The following FAP variants were observed in gnomAD, a reference collection of about 807,000 sequenced individuals.
The protein encoded by FAP is prolyl endopeptidase FAP.
Under a neutral mutation model 126.5 loss-of-function variants are expected in FAP, and 110 were observed. The observed-to-expected ratio is 0.87, with a 90% CI of 0.74 to 1.02. The LOEUF (loss-of-function observed/expected upper bound fraction) is 1.02, where lower values mean the gene tolerates loss of function less well. Among genes scored for constraint, FAP ranks in the 50% least tolerant of loss-of-function variants. The pLI, the probability that FAP is intolerant of heterozygous loss-of-function variation, is 0.00. For missense variants in FAP, 919 were observed against 909.2 expected (o/e 1.01, Z -0.14); for synonymous variants, 334 against 297.3 (o/e 1.12, Z -1.27).
intron 17 of FAP, among the ~76,000 whole-genome samples, chr2:162,191,396 G>A (rs1170568515): frequency 6.6e-6 from 1 of 152,008 alleles, no homozygotes; most frequent in Non-Finnish European, 1.5e-5. Context: ...TCTCACAGGG[G>A]GCAGTGGCAA....
intron 11 of FAP, among the ~76,000 whole-genome samples, chr2:162,212,492 C>T (rs563761976): frequency 4.1e-4 from 63 of 152,264 alleles, no homozygotes; most frequent in Admixed American, 1.6e-3. Flanking sequence ...AAATACGCTT[C>T]TAGCATATTC....
In FAP at chr2:162,188,169, C is replaced by T; in HGVS notation, c.1814G>A (p.Arg605Lys). The change falls in exon 20 of 26, where the codon AGA (arginine) becomes AAA (lysine). Residue 605 changes from arginine to lysine, a missense_variant and splice_region_variant. Transcript: ENST00000188790. ...TCTGCTTGAATGAGAAGGTGCTCACCTGACAGCTGTAATCTGGTCTTCAAC... is the reference window on the plus strand; with the variant it reads ...TCTGCTTGAATGAGAAGGTGCTCACTTGACAGCTGTAATCTGGTCTTCAAC... ...YEVEDQITAV[R>K]KFIEMGFIDE... 6.2e-7 allele frequency: 1 copy of T among 1,611,820 alleles called. No individual in the cohort carries two copies. The highest frequency in any genetic ancestry group is 8.5e-7 in the Non-Finnish European group (1 of 1,178,442).
chr2:162,172,516 C>T (rs1687346032), intron 25 of FAP: 3 of 303,352 alleles, frequency 9.9e-6, no homozygotes, highest in Admixed American at 8.6e-5. Context: ...TATAATTGCA[C>T]TTATTCACAT....
At chr2:162,219,774 G>T in intron 7 of FAP, 79 bp downstream of exon 7, 2 of 950,144 alleles carry the variant, frequency 2.1e-6, no homozygotes, top group Non-Finnish European at 3.4e-6. Flanking sequence ...TTTCAGGCAG[G>T]GAAATTTAAC....
chr2:162,191,419 G>A (rs1242132495), intron 17 of FAP, among the ~76,000 whole-genome samples: 1 of 152,072 alleles, frequency 6.6e-6, no homozygotes, highest in African/African-American at 2.4e-5. Flanking sequence ...GTGAGAGGTG[G>A]CAGCTGGGCT....
chr2:162,208,623 T>C (rs1191273322), intron 12 of FAP, among the ~76,000 whole-genome samples: 1 of 152,134 alleles, frequency 6.6e-6, no homozygotes. Flanking sequence ...TTACTAGAAA[T>C]ATTTGTAATG....
intron 6 of FAP, chr2:162,221,726 C>A: frequency 2.2e-6 from 1 of 456,584 alleles, no homozygotes; most frequent in Non-Finnish European, 4.4e-6. Context: ...TTTTCTGAGT[C>A]ACTAAAGGTA....
At chr2:162,225,260 G>A (rs150124909) in intron 4 of FAP, among the ~76,000 whole-genome samples, 1,680 of 152,230 alleles carry the variant, frequency 0.011, 25 homozygotes, top group African/African-American at 0.038. Flanking sequence ...CCTATCTTAT[G>A]CTATACTATA....
chr2:162,199,212 A>G (rs776097421), intron 15 of FAP, among the ~76,000 whole-genome samples: 1 of 152,186 alleles, frequency 6.6e-6, no homozygotes, highest in Non-Finnish European at 1.5e-5. Context: ...TTGGGAATGC[A>G]TAGTTCTTCG....
chr2:162,183,797 A>T (rs1056042616), intron 20 of FAP, among the ~76,000 whole-genome samples: 6 of 152,194 alleles, frequency 3.9e-5, no homozygotes, highest in African/African-American at 1.4e-4. Context: ...AAGTAGCAGC[A>T]GCATTGAGCA....
rs536967746 is a variant in FAP at position 162,196,410 on chromosome 2, C to A, written c.1403-1662G>T. Among the ~76,000 whole-genome samples, 5 of 151,944 alleles carry A rather than the reference C, an allele frequency of 3.3e-5. No homozygotes were observed. The East Asian group carries it at 9.7e-4, about 29-fold the overall frequency. ...ATACACATATTACATTTTCAGCCAG[C>A]ATGCAAAGAAATGAGACATGAATAT... On this transcript the variant is annotated intron_variant, in intron 16 of 25. Coordinates refer to ENST00000188790, the MANE Select transcript of FAP (RefSeq NM_004460.5).
At chr2:162,221,048 A>T (rs567003936) in intron 6 of FAP, among the ~76,000 whole-genome samples, 1 of 152,252 alleles carries the variant, frequency 6.6e-6, no homozygotes, top group Admixed American at 6.5e-5. Context: ...CACTGCCTTG[A>T]TGTAACTTTT....
Position 162,219,854 on chromosome 2 carries a change from A to G in FAP, c.485T>C (p.Leu162Ser). The change falls in exon 7 of 26, where the codon TTA (leucine) becomes TCA (serine). Residue 162 changes from leucine (L) to serine (S), a missense_variant and splice_region_variant. Transcript: ENST00000188790. ...YLCWSPVGSKLAYVYQNNIYL... is the reference protein window; with the variant it reads ...YLCWSPVGSKSAYVYQNNIYL... ...CACTTCAAAAATTTAAACACTTACT[A>G]ATTTACTCCCAACAGGCGACCAGCA... 1 of 1,602,998 alleles carries G rather than the reference A, an allele frequency of 6.2e-7. No homozygotes were observed. The highest frequency in any genetic ancestry group is 8.5e-7 in the Non-Finnish European group (1 of 1,170,618).
At chr2:162,219,205 A>T in intron 7 of FAP, 22 bp from the exon 8 acceptor site, 1 of 1,593,926 alleles carries the variant, frequency 6.3e-7, no homozygotes, top group Non-Finnish European at 8.5e-7. Context: ...GGTAAGGGGA[A>T]ATTCCACAAC....
rs1434177084 is a variant in FAP, at chr2:162,215,917, G to C, written c.847C>G (p.Pro283Ala). ...AYVGPQEVPVPAMIASSDYYF... is the reference protein window; with the variant it reads ...AYVGPQEVPVAAMIASSDYYF... ...AACTACCTTGAGGCTATCATTGCTG[G>C]AACAGGCACTTCCTGGGGACCTACA... Residue 283 changes from proline to alanine, a missense_variant, in exon 10 of 26, where the codon CCA (proline) becomes GCA (alanine). Transcript: ENST00000188790. The C allele has an allele frequency of 6.2e-7, 1 of 1,613,428 alleles. No homozygotes were observed.
chr2:162,219,988 C>A, intron 6 of FAP, 63 bp from the exon 7 acceptor site: 8 of 1,092,148 alleles, frequency 7.3e-6, no homozygotes, highest in Non-Finnish European at 9.7e-6. Context: ...AAATAATAAT[C>A]TGTATGAACA....
At chr2:162,181,934 G>A (rs536926912) in intron 21 of FAP, among the ~76,000 whole-genome samples, 1 of 152,304 alleles carries the variant, frequency 6.6e-6, no homozygotes, top group Admixed American at 6.5e-5. Flanking sequence ...CTTCTGCTCA[G>A]ATGTTATATC....
Position 162,203,158 on chromosome 2 carries a change from A to T in FAP, c.1048-13T>A. 1 of 1,570,610 alleles carries T rather than the reference A, an allele frequency of 6.4e-7. No individual in the cohort carries two copies. Among genetic ancestry groups the T allele is most frequent in the African/African-American group, 1.4e-5 (1 of 74,008 alleles). The stretch of plus-strand genomic sequence containing the variant: ...TTGAAACAAAGAACTGAAAAAAATT[A>T]GCAGAGGTTATGTTCAAAAGACAAA... On this transcript the variant is annotated splice_polypyrimidine_tract_variant and intron_variant, in intron 12 of 25. Coordinates refer to ENST00000188790, the MANE Select transcript of FAP (RefSeq NM_004460.5).
At chr2:162,206,965 A>T (rs1688724520) in intron 12 of FAP, among the ~76,000 whole-genome samples, 1 of 152,164 alleles carries the variant, frequency 6.6e-6, no homozygotes. Flanking sequence ...TTCCATTTTA[A>T]ATATCTCTGA....
Sources: allele counts gnomAD v4.1 joint callset (sites outside exome capture counted in the v4.1 genomes callset), GRCh38; gene constraint gnomAD v4.1.1; transcripts MANE v1.5; gene names NCBI Gene and HGNC (gene_info 2026-07-23, HGNC 2026-07-21).